CPEB3: variants seen among roughly 807,000 people sequenced by gnomAD.
CPEB3 encodes the protein cytoplasmic polyadenylation element binding protein 3, also known as cytoplasmic polyadenylation element-binding protein 3.
A neutral mutation model predicts 67.2 loss-of-function variants in CPEB3; 20 were observed. That is an observed-to-expected ratio of 0.30 (90% CI 0.21 to 0.43). The LOEUF (loss-of-function observed/expected upper bound fraction) is 0.43. Ranked by LOEUF, CPEB3 falls within the 20% of genes least tolerant of loss-of-function variation. The pLI, the probability that CPEB3 is intolerant of heterozygous loss-of-function variation, is 1.00. For missense variants in CPEB3, 746 were observed against 968.6 expected (o/e 0.77, Z 3.05); for synonymous variants, 376 against 393.1 (o/e 0.96, Z 0.51).
At chr10:92,270,537 T>C (rs1853259375) in intron 1 of CPEB3, among the ~76,000 whole-genome samples, 1 of 151,306 alleles carries the variant, frequency 6.6e-6, no homozygotes, top group Non-Finnish European at 1.5e-5. Flanking sequence ...TACAAGGCCA[T>C]TAGAAGTGAG....
chr10:92,192,498 T>A lies in CPEB3; in HGVS notation c.1144A>T (p.Met382Leu). Residue 382 changes from methionine to leucine, a missense_variant, in exon 3 of 10, where the codon ATG (methionine) becomes TTG (leucine). By Grantham distance (15) the Met-to-Leu change is conservative (BLOSUM62 2). This residue lies in a region of CPEB3 where 643 missense variants were observed against 717.5 expected (regional missense o/e 0.90). Transcript: ENST00000265997. The part of the protein sequence containing the change: ...SGPPMSFADI[M>L]WRNHFAGRMG... ...TAACCTGCAAAATGATTCCTCCACA[T>A]TATATCAGCGAAACTCATTGGTGGG... 6.2e-7 allele frequency: 1 copy of A among 1,613,914 alleles called. No individual in the cohort carries two copies. The highest frequency in any genetic ancestry group is 8.5e-7 in the Non-Finnish European group (1 of 1,179,920).
chr10:92,240,904 A>C (rs992105396), intron 1 of CPEB3, among the ~76,000 whole-genome samples: 3 of 152,154 alleles, frequency 2.0e-5, no homozygotes, highest in African/African-American at 2.4e-5. Flanking sequence ...CTTGATTAGC[A>C]AACTGCCTTC....
At chr10:92,290,049 T>C (rs1347660772) in intron 1 of CPEB3, among the ~76,000 whole-genome samples, 1 of 151,470 alleles carries the variant, frequency 6.6e-6, no homozygotes, top group Non-Finnish European at 1.5e-5. Context: ...AGTTCAAATA[T>C]ACTTCGCAAA....
intron 6 of CPEB3, chr10:92,137,033 C>A: frequency 4.2e-6 from 1 of 237,658 alleles, no homozygotes; most frequent in Admixed American, 4.5e-5. Context: ...CATCCAGCAG[C>A]GAGCCATTCT....
chr10:92,231,469 C>T (rs1178617278), intron 2 of CPEB3, among the ~76,000 whole-genome samples: 2 of 152,150 alleles, frequency 1.3e-5, no homozygotes, highest in East Asian at 1.9e-4. Context: ...TGAAGCTAGG[C>T]TCCCTCTCCC....
chr10:92,290,129 A>AT (rs973761132), intron 1 of CPEB3, among the ~76,000 whole-genome samples: 1 of 152,060 alleles, frequency 6.6e-6, no homozygotes, highest in Non-Finnish European at 1.5e-5. Context: ...ACACATTTTC[A>AT]TTTTTTAAAA....
At position 92,259,205 on chromosome 10, in the gene CPEB3, C is replaced by T. The variant is rs977422671; in HGVS notation, c.-11-18844G>A. The stretch of plus-strand genomic sequence containing the variant: ...CTCAAACTCCTGACCTCAGGTGATC[C>T]ACCCACCTCAGCCTCCCAAAGTACT... On this transcript the variant is annotated intron_variant, in intron 1 of 9. Coordinates refer to ENST00000265997, the MANE Select transcript of CPEB3 (RefSeq NM_014912.5). 1.6e-4 allele frequency among the ~76,000 whole-genome samples: 25 copies of T among 151,730 alleles called. No homozygotes were observed. The Middle Eastern group carries it at 0.01, about 62-fold the overall frequency.
At chr10:92,238,693 C>T (rs150444376) in intron 2 of CPEB3, among the ~76,000 whole-genome samples, 2 of 151,838 alleles carry the variant, frequency 1.3e-5, no homozygotes, top group Non-Finnish European at 2.9e-5. Context: ...TTCCACTCTT[C>T]CACCTCCTTC....
intron 1 of CPEB3, among the ~76,000 whole-genome samples, chr10:92,281,252 T>C (rs994172241): frequency 6.6e-6 from 1 of 151,546 alleles, no homozygotes; most frequent in African/African-American, 2.4e-5. Flanking sequence ...GTTTGGTTTT[T>C]GGGCGGGGGT....
At chr10:92,082,316 G>A (rs577010832) in intron 8 of CPEB3, among the ~76,000 whole-genome samples, 45 of 152,060 alleles carry the variant, frequency 3.0e-4, no homozygotes, top group African/African-American at 5.3e-4. Flanking sequence ...ACAGAGTCTC[G>A]CTCTGTTGCC....
In CPEB3 at chr10:92,239,572, C is replaced by T; in HGVS notation, c.779G>A (p.Gly260Asp). The change falls in exon 2 of 10, where the codon GGC becomes GAC. Residue 260 changes from glycine (G) to aspartate (D), a missense_variant. Gly to Asp is a moderately conservative substitution (Grantham distance 94, BLOSUM62 -1). This residue lies in a region of CPEB3 where 643 missense variants were observed against 717.5 expected (regional missense o/e 0.90). Transcript: ENST00000265997. This position sits in a 1 kb window ranked among gnomAD's most constrained non-coding sequence, Gnocchi z 6.0. ...AAWSAPSNPW[G>D]GLQAGRDPRR... ...AGGGTCCCGGCCCGCCTGCAGGCCG[C>T]CCCAGGGGTTGGACGGTGCGCTCCA... The T allele has an allele frequency of 6.4e-7, 1 of 1,555,144 alleles. No homozygotes were observed.
chr10:92,236,066 A>C (rs1851515191), intron 2 of CPEB3, among the ~76,000 whole-genome samples: 1 of 152,210 alleles, frequency 6.6e-6, no homozygotes, highest in Non-Finnish European at 1.5e-5. Context: ...ATATAGAAAG[A>C]TTCACATATA....
Position 92,051,133 on chromosome 10 carries a change from C to A in CPEB3, c.*1079G>T, listed in dbSNP as rs1445279266. 1 of 152,532 alleles carries A rather than the reference C, an allele frequency of 6.6e-6. No homozygotes were observed. The highest frequency in any genetic ancestry group is 2.4e-5 in the African/African-American group (1 of 41,438). 9.4% of individuals were successfully genotyped at this position (152,532 alleles called of 1,614,324 possible). A position where few individuals can be genotyped will look rare whatever the true frequency, so the allele number is the denominator to read the frequency against. On this transcript the variant is annotated 3_prime_UTR_variant, in exon 10 of 10. Coordinates refer to ENST00000265997, the MANE Select transcript of CPEB3 (RefSeq NM_014912.5). Reference sequence around the variant, plus strand: ...GTTTTATATCGGTTGTAATATAGGTCATTCTGTTATGGGCTCTTCCCATTC... The same window carrying A: ...GTTTTATATCGGTTGTAATATAGGTAATTCTGTTATGGGCTCTTCCCATTC...
At chr10:92,282,559 G>T (rs566448826) in intron 1 of CPEB3, among the ~76,000 whole-genome samples, 1 of 152,098 alleles carries the variant, frequency 6.6e-6, no homozygotes, top group African/African-American at 2.4e-5. Context: ...GTGGTGGCGC[G>T]TGCCTGTAAT....
chr10:92,163,767 T>A (rs576837061), intron 4 of CPEB3, among the ~76,000 whole-genome samples: 1 of 152,248 alleles, frequency 6.6e-6, no homozygotes, highest in Non-Finnish European at 1.5e-5. Context: ...TTTCTCAAAC[T>A]AGGCAAGTTA....
intron 1 of CPEB3, among the ~76,000 whole-genome samples, chr10:92,267,476 G>A (rs1853111137): frequency 6.6e-6 from 1 of 152,172 alleles, no homozygotes; most frequent in Non-Finnish European, 1.5e-5. Flanking sequence ...GATCATAGAG[G>A]AGACCTTTTA....
At chr10:92,274,714 G>A (rs550781316) in intron 1 of CPEB3, among the ~76,000 whole-genome samples, 13 of 152,162 alleles carry the variant, frequency 8.5e-5, no homozygotes, top group African/African-American at 2.6e-4. Flanking sequence ...GGTGGTGCAC[G>A]CCTATAATCC....
At chr10:92,277,762 G>A (rs990784428) in intron 1 of CPEB3, among the ~76,000 whole-genome samples, 5 of 151,958 alleles carry the variant, frequency 3.3e-5, no homozygotes, top group African/African-American at 1.2e-4. Context: ...ATGGTGGCAG[G>A]TGCATGTAGT....
chr10:92,159,225 T>C (rs904263699), intron 4 of CPEB3, among the ~76,000 whole-genome samples: 2 of 152,090 alleles, frequency 1.3e-5, no homozygotes, highest in Non-Finnish European at 2.9e-5. Flanking sequence ...ATCACGCCAC[T>C]GCACTCCAGC....
Sources: gnomAD v4.1 joint callset for allele counts (sites outside exome capture counted in the v4.1 genomes callset) on GRCh38, gnomAD v4.1.1 for gene constraint, gnomAD v4.1.1 regional missense constraint, Gnocchi (gnomAD v3.1) non-coding constraint, MANE v1.5 for transcripts, NCBI Gene and HGNC (gene_info 2026-07-23, HGNC 2026-07-21) for gene names.